The following WDR35 variants were observed in gnomAD, a reference collection of about 807,000 sequenced individuals.
WDR35 encodes the protein WD repeat-containing protein 35.
In WDR35, 118 loss-of-function variants were observed where a neutral mutation model predicts 158.3. The observed-to-expected ratio is 0.75, with a 90% CI of 0.64 to 0.87. The LOEUF (loss-of-function observed/expected upper bound fraction) is 0.87. WDR35 is among the 40% of genes least tolerant of loss of function. WDR35 has a pLI of 0.00. For missense variants in WDR35, 1,263 were observed against 1,405.8 expected (o/e 0.90, Z 1.62); for synonymous variants, 448 against 476.1 (o/e 0.94, Z 0.77).
chr2:19,965,527 A>G (rs1572353825), intron 10 of WDR35, among the ~76,000 whole-genome samples: 2 of 152,140 alleles, frequency 1.3e-5, no homozygotes, highest in African/African-American at 4.8e-5. Flanking sequence ...CCAAACTCCC[A>G]CCTCAAAGCT....
intron 12 of WDR35, among the ~76,000 whole-genome samples, chr2:19,952,655 C>T (rs1311592709): frequency 8.5e-5 from 13 of 152,128 alleles, no homozygotes; most frequent in Non-Finnish European, 1.9e-4. Context: ...AGGACTACCA[C>T]ATACTGGCCA....
In WDR35 at chr2:19,914,128, T is replaced by G; in HGVS notation, c.3271A>C (p.Lys1091Gln). Residue 1091 changes from lysine to glutamine, a missense_variant, in exon 26 of 27, where the codon AAA (lysine) becomes CAA (glutamine). By Grantham distance (53) the Lys-to-Gln change is moderately conservative (BLOSUM62 1). Coordinates refer to ENST00000281405, the MANE Select transcript of WDR35 (RefSeq NM_020779.4). ...KSLETLSSEQ[K>Q]QQYEDLALEI... Reference sequence around the variant, plus strand: ...AAAGCAAGGTCTTCATACTGCTGTTTCTGTTCTGAACTGAGGGTCTCTAAA... The same window carrying G: ...AAAGCAAGGTCTTCATACTGCTGTTGCTGTTCTGAACTGAGGGTCTCTAAA... 3.7e-6 allele frequency: 6 copies of G among 1,614,204 alleles called. No individual in the cohort carries two copies. The highest frequency in any genetic ancestry group is 5.1e-6 in the Non-Finnish European group (6 of 1,180,014).
rs530995996 is a variant in WDR35, at chr2:19,940,193, A to G, written c.1926+1566T>C. Among the ~76,000 whole-genome samples, 25 of 149,266 alleles carry G rather than the reference A, an allele frequency of 1.7e-4. 1 individual carries two copies. The South Asian group carries it at 5.0e-3, about 30-fold the overall frequency. ...ACATGGCAAACCCCATCTCTACAAA[A>G]AAAAAAAAAAAAAAACACAAAAAAT... is the stretch of plus-strand genomic sequence containing the variant. On this transcript the variant is annotated intron_variant, in intron 17 of 26. Transcript: ENST00000281405.
chr2:19,975,841 T>C (rs1172356488), intron 5 of WDR35, among the ~76,000 whole-genome samples, 178 bp from the exon 6 acceptor site: 1 of 152,234 alleles, frequency 6.6e-6, no homozygotes, highest in Non-Finnish European at 1.5e-5. Flanking sequence ...ACATCTGAAA[T>C]AGCAGCTGTT....
chr2:19,989,130 T>A, intron 2 of WDR35, 35 bp downstream of exon 2: 1 of 1,587,272 alleles, frequency 6.3e-7, no homozygotes, highest in African/African-American at 1.3e-5. Context: ...CATTAGCCAA[T>A]TTACTACCAA....
At chr2:19,916,597 C>T (rs1417833882) in intron 25 of WDR35, among the ~76,000 whole-genome samples, 1 of 152,164 alleles carries the variant, frequency 6.6e-6, no homozygotes. Flanking sequence ...GCGGTTTCAC[C>T]CTCACAGTGT....
At chr2:19,928,813 T>C (rs1670439767) in intron 25 of WDR35, among the ~76,000 whole-genome samples, 1 of 151,930 alleles carries the variant, frequency 6.6e-6, no homozygotes, top group Non-Finnish European at 1.5e-5. Flanking sequence ...GATACTATTT[T>C]TTTTTTTTTT....
chr2:19,922,158 T>G (rs1335043446), intron 25 of WDR35, among the ~76,000 whole-genome samples: 1 of 152,222 alleles, frequency 6.6e-6, no homozygotes, highest in East Asian at 1.9e-4. Context: ...GAAGACAGTG[T>G]GGCGATTCCT....
Position 19,913,488 on chromosome 2 carries a change from T to A in WDR35, c.*70A>T. 1 of 1,575,072 alleles carries A rather than the reference T, an allele frequency of 6.3e-7. No individual in the cohort carries two copies. Among genetic ancestry groups the A allele is most frequent in the Non-Finnish European group, 8.7e-7 (1 of 1,147,098 alleles). ...CAAAACTCACAGAAATAAACCTTATTACATATACAGCATATAGCCATGTAT... is the reference window on the plus strand; with the variant it reads ...CAAAACTCACAGAAATAAACCTTATAACATATACAGCATATAGCCATGTAT... On this transcript the variant is annotated 3_prime_UTR_variant, in exon 27 of 27. Coordinates refer to ENST00000281405, the MANE Select transcript of WDR35 (RefSeq NM_020779.4).
Position 19,936,200 on chromosome 2 carries a change from C to T in WDR35, c.2414+19G>A. 3 of 1,613,734 alleles carry T rather than the reference C, an allele frequency of 1.9e-6. No homozygotes were observed. The highest frequency in any genetic ancestry group is 2.5e-6 in the Non-Finnish European group (3 of 1,179,794). ...AAGTGTTGCATGAATGCTTGAGGAG[C>T]TCCAGGTAAGTTACATACCACTTTT... On this transcript the variant is annotated intron_variant, in intron 20 of 26. Coordinates refer to ENST00000281405, the MANE Select transcript of WDR35 (RefSeq NM_020779.4).
intron 11 of WDR35, among the ~76,000 whole-genome samples, chr2:19,958,982 C>CA (rs1671542496): frequency 6.6e-6 from 1 of 152,146 alleles, no homozygotes; most frequent in East Asian, 1.9e-4. Flanking sequence ...GAGTATCACT[C>CA]ACAGACTTTT....
Position 19,973,720 on chromosome 2 carries a change from G to A in WDR35, c.737-12C>T, listed in dbSNP as rs1393460792. On this transcript the variant is annotated splice_polypyrimidine_tract_variant and intron_variant, in intron 7 of 26. Transcript: ENST00000281405. ...AATCAAAACGGGATCTAGTCAGAAA[G>A]AGAAAAATGAGGTCACTGTGGGAAA... The A allele has an allele frequency of 6.2e-7, 1 of 1,609,762 alleles. No individual in the cohort carries two copies. The highest frequency in any genetic ancestry group is 1.3e-5 in the African/African-American group (1 of 74,884).
chr2:19,914,263 C>T lies in WDR35; in HGVS notation c.3136G>A (p.Asp1046Asn). Residue 1046 changes from aspartate to asparagine, a missense_variant, in exon 26 of 27, where the codon GAC becomes AAC. Coordinates refer to ENST00000281405, the MANE Select transcript of WDR35 (RefSeq NM_020779.4). Reference protein sequence around the residue: ...TALKTALHLKDYEDIIPPVEI... With the variant: ...TALKTALHLKNYEDIIPPVEI... ...ACAGGAGGGATGATGTCTTCATAGTCTTTCAGGTGAAGAGCTAAGAAAAAC... is the reference window on the plus strand; with the variant it reads ...ACAGGAGGGATGATGTCTTCATAGTTTTTCAGGTGAAGAGCTAAGAAAAAC... 2.5e-6 allele frequency: 4 copies of T among 1,614,114 alleles called. No individual in the cohort carries two copies. The highest frequency in any genetic ancestry group is 2.5e-6 in the Non-Finnish European group (3 of 1,179,988).
intron 9 of WDR35, among the ~76,000 whole-genome samples, chr2:19,967,581 A>T (rs1671898430): frequency 6.6e-6 from 1 of 151,988 alleles, no homozygotes; most frequent in Non-Finnish European, 1.5e-5. Context: ...AAAAAATAAA[A>T]ATACATAAAT....
At chr2:19,933,366 A>T in intron 22 of WDR35, 35 bp downstream of exon 22, 1 of 1,561,648 alleles carries the variant, frequency 6.4e-7, no homozygotes, top group Non-Finnish European at 8.8e-7. Flanking sequence ...TTCCTAAGAC[A>T]ATAAGCTGCA....
At chr2:19,931,672 T>C (rs1670530555) in intron 23 of WDR35, among the ~76,000 whole-genome samples, 1 of 152,142 alleles carries the variant, frequency 6.6e-6, no homozygotes, top group African/African-American at 2.4e-5. Context: ...TGCTGTTAGA[T>C]AACTAAATCA....
At chr2:19,916,400 C>T (rs1459970087) in intron 25 of WDR35, among the ~76,000 whole-genome samples, 2 of 152,188 alleles carry the variant, frequency 1.3e-5, no homozygotes, top group African/African-American at 4.8e-5. Flanking sequence ...CCATTCACTC[C>T]CCTGGAAAGG....
intron 10 of WDR35, among the ~76,000 whole-genome samples, chr2:19,961,721 C>T (rs961584314): frequency 6.6e-6 from 1 of 152,130 alleles, no homozygotes; most frequent in Admixed American, 6.5e-5. Flanking sequence ...AGGCATTTTG[C>T]TTGTTGACTT....
intron 2 of WDR35, 87 bp from the exon 3 acceptor site, chr2:19,982,621 T>C: frequency 7.2e-7 from 1 of 1,393,056 alleles, no homozygotes; most frequent in Non-Finnish European, 9.9e-7. Flanking sequence ...TCCTGGGCAG[T>C]ATTAATCATT....
Sources: allele counts gnomAD v4.1 joint callset (sites outside exome capture counted in the v4.1 genomes callset), GRCh38; gene constraint gnomAD v4.1.1; transcripts MANE v1.5; gene names NCBI Gene and HGNC (gene_info 2026-07-23, HGNC 2026-07-21).